The following SASH1 variants were observed in gnomAD, a reference collection of about 807,000 sequenced individuals.
SASH1 encodes the protein SAM and SH3 domain containing 1.
A neutral mutation model predicts 125.2 loss-of-function variants in SASH1; 44 were observed. The ratio of observed to expected loss-of-function variants is 0.35; its 90% CI spans 0.28 to 0.45. The LOEUF (loss-of-function observed/expected upper bound fraction) is 0.45. Ranked by LOEUF, SASH1 falls within the 20% of genes least tolerant of loss-of-function variation. SASH1 has a pLI of 1.00. For synonymous variants in SASH1, 639 were observed against 649.1 expected (o/e 0.98, Z 0.24); for missense variants, 1,426 against 1,614.5 (o/e 0.88, Z 2.00).
intron 12 of SASH1, among the ~76,000 whole-genome samples, chr6:148,527,882 G>A (rs1431094056): frequency 6.6e-6 from 1 of 151,778 alleles, no homozygotes; most frequent in South Asian, 2.1e-4. Context: ...ATTCTTCAGT[G>A]CACTAAGCGT....
chr6:148,230,244 ATTCATTT>A, the SASH1 span, among the ~76,000 whole-genome samples: 1 of 152,148 alleles, frequency 6.6e-6, no homozygotes, highest in Non-Finnish European at 1.5e-5. Context: ...TCAGTGTTTC[ATTCATTT>A]TTATTGCTGA....
At chr6:148,206,832 A>ACACAC in the SASH1 span, among the ~76,000 whole-genome samples, 87 of 84,658 alleles carry the variant, frequency 1.0e-3, no homozygotes, top group East Asian at 7.7e-3. Context: ...CACACACACA[A>ACACAC]ATTAACATAA....
At chr6:148,514,141 C>T in intron 8 of SASH1, 183 bp from the exon 9 acceptor site, 6 of 1,371,226 alleles carry the variant, frequency 4.4e-6, no homozygotes, top group Admixed American at 3.5e-5. Context: ...AATTCTACGC[C>T]GATTTAGATC....
At chr6:148,365,944 C>T (rs1782432454) in intron 1 of SASH1, among the ~76,000 whole-genome samples, 1 of 152,168 alleles carries the variant, frequency 6.6e-6, no homozygotes, top group South Asian at 2.1e-4. Flanking sequence ...GAAACCTCAT[C>T]TCTACTAAAA....
chr6:148,545,945 G>A lies in SASH1; in HGVS notation c.3349-70G>A. 2.7e-6 allele frequency: 4 copies of A among 1,458,280 alleles called. No homozygotes were observed. The South Asian group carries it at 5.0e-5, about 18-fold the overall frequency. The allele number at this position is 1,458,280 out of a possible 1,614,324, so 90.3% of individuals were successfully genotyped here. A position where few individuals can be genotyped will look rare whatever the true frequency, so the allele number is the denominator to read the frequency against. On this transcript the variant is annotated intron_variant, in intron 18 of 19. Transcript: ENST00000367467. ...GACAGTGAGACCCTACGTTATATGTGGTGTATCTTAGGGAAAGAAAAACAA... is the reference window on the plus strand; with the variant it reads ...GACAGTGAGACCCTACGTTATATGTAGTGTATCTTAGGGAAAGAAAAACAA...
intron 1 of SASH1, among the ~76,000 whole-genome samples, chr6:148,349,617 G>A (rs1781650060): frequency 1.3e-5 from 2 of 152,068 alleles, no homozygotes; most frequent in Admixed American, 1.3e-4. Flanking sequence ...TTGGAGGGAA[G>A]GAGACTACTT....
At chr6:148,468,858 T>G (rs1004582547) in intron 5 of SASH1, 1 of 301,560 alleles carries the variant, frequency 3.3e-6, no homozygotes, top group East Asian at 6.3e-5. Context: ...ACAGAAAAAT[T>G]AGAAGCAACC....
chr6:148,387,879 C>T (rs1783536803), intron 1 of SASH1, among the ~76,000 whole-genome samples: 1 of 146,724 alleles, frequency 6.8e-6, no homozygotes, highest in African/African-American at 2.5e-5. Flanking sequence ...GCTGGGATTA[C>T]AGGTGCCCAC....
At chr6:148,481,663 G>A (rs563902292) in intron 7 of SASH1, among the ~76,000 whole-genome samples, 1 of 152,094 alleles carries the variant, frequency 6.6e-6, no homozygotes, top group Non-Finnish European at 1.5e-5. Flanking sequence ...CCGGTCAGTG[G>A]AGCCGTCAGA....
intron 1 of SASH1, among the ~76,000 whole-genome samples, chr6:148,336,301 G>A (rs1426880824): frequency 3.5e-5 from 5 of 142,428 alleles, no homozygotes; most frequent in African/African-American, 5.3e-5. Context: ...TCAGCCTCCC[G>A]AGTAGCTGGG....
chr6:148,405,947 A>T (rs2114887110), intron 2 of SASH1, among the ~76,000 whole-genome samples: 1 of 152,354 alleles, frequency 6.6e-6, no homozygotes, highest in Non-Finnish European at 1.5e-5. Flanking sequence ...TCGACAGTGT[A>T]ATCTTTGGAC....
At chr6:148,272,262 C>A, upstream of SASH1, 1 of 437,144 alleles carries the variant, frequency 2.3e-6, no homozygotes, top group Non-Finnish European at 4.9e-6. Context: ...AAACAGATTC[C>A]CATTTAGAGC....
chr6:148,511,323 T>C (rs1780110522), intron 8 of SASH1, among the ~76,000 whole-genome samples: 2 of 104,928 alleles, frequency 1.9e-5, no homozygotes, highest in East Asian at 2.8e-4. Context: ...TAATTTTCTA[T>C]TACACACACA....
chr6:148,468,789 G>T, intron 5 of SASH1: 1 of 489,912 alleles, frequency 2.0e-6, no homozygotes, highest in South Asian at 3.5e-5. Flanking sequence ...CTGTTTTATA[G>T]TTTTTAACTT....
intron 1 of SASH1, among the ~76,000 whole-genome samples, chr6:148,363,431 T>A (rs1782327250): frequency 6.6e-6 from 1 of 151,978 alleles, no homozygotes; most frequent in Non-Finnish European, 1.5e-5. Context: ...AGATGGAGTC[T>A]TGGTCTGTTG....
intron 2 of SASH1, among the ~76,000 whole-genome samples, chr6:148,423,712 G>GT (rs1231294627): frequency 6.6e-6 from 1 of 152,084 alleles, no homozygotes; most frequent in Non-Finnish European, 1.5e-5. Context: ...GTCAGTGACT[G>GT]TTTTTTTATA....
intron 1 of SASH1, among the ~76,000 whole-genome samples, chr6:148,372,304 A>G (rs1209112710): frequency 3.3e-5 from 5 of 152,228 alleles, no homozygotes; most frequent in African/African-American, 9.6e-5. Context: ...TCTCACATAT[A>G]TAAAACTAAT....
the SASH1 span, among the ~76,000 whole-genome samples, chr6:148,265,373 G>A: frequency 6.6e-6 from 1 of 150,768 alleles, no homozygotes; most frequent in African/African-American, 2.4e-5. Flanking sequence ...CGGAGGGAGG[G>A]AGGGAGGAAG....
Position 148,544,267 on chromosome 6 carries a change from G to C in SASH1, c.2797G>C (p.Asp933His), listed in dbSNP as rs1017989375. Residue 933 changes from aspartate to histidine, a missense_variant, in exon 18 of 20, where the codon GAT becomes CAT. Asp to His is a moderately conservative substitution (Grantham distance 81, BLOSUM62 -1). Around this residue, in one of 3 missense-constraint regions of SASH1, gnomAD observed 634 missense variants for 694.4 expected, o/e 0.91. Transcript: ENST00000367467. This position sits in a 1 kb window ranked among gnomAD's most constrained non-coding sequence, Gnocchi z 6.4. Reference sequence around the variant, plus strand: ...CCCTCAGTGTTTGCCCAGAAACTATGATGCTCAGCCTCCTGGAGCTAAACA... The same window carrying C: ...CCCTCAGTGTTTGCCCAGAAACTATCATGCTCAGCCTCCTGGAGCTAAACA... ...SPPQCLPRNYDAQPPGAKHGL... is the reference protein window; with the variant it reads ...SPPQCLPRNYHAQPPGAKHGL... The C allele has an allele frequency of 6.2e-7, 1 of 1,614,046 alleles. No individual in the cohort carries two copies. Among genetic ancestry groups the C allele is most frequent in the Non-Finnish European group, 8.5e-7 (1 of 1,180,046 alleles).
Sources: gnomAD v4.1 joint callset for allele counts (sites outside exome capture counted in the v4.1 genomes callset) on GRCh38, gnomAD v4.1.1 for gene constraint, gnomAD v4.1.1 regional missense constraint, Gnocchi (gnomAD v3.1) non-coding constraint, MANE v1.5 for transcripts, NCBI Gene and HGNC (gene_info 2026-07-23, HGNC 2026-07-21) for gene names.